The following CYLC1 variants were observed in gnomAD, a reference collection of about 807,000 sequenced individuals.
CYLC1 encodes cylicin-1.
In CYLC1, 2 loss-of-function variants were observed where a neutral mutation model predicts 31.6. The observed-to-expected ratio is 0.06, with a 90% CI of 0.03 to 0.20. The LOEUF is 0.20. Among genes scored for constraint, CYLC1 ranks in the 10% least tolerant of loss-of-function variants. The pLI, the probability that CYLC1 is intolerant of heterozygous loss-of-function variation, is 1.00. For missense variants in CYLC1, 595 were observed against 424.1 expected, an observed-to-expected ratio of 1.40 and a Z score of -3.54; for synonymous variants, 185 against 153.0, an observed-to-expected ratio of 1.21 and a Z score of -1.54.
At chrX:83,863,841 A>C (rs1433312367) in intron 1 of CYLC1, among the ~76,000 whole-genome samples, 1 of 111,684 alleles carries the variant, frequency 9.0e-6, no homozygotes, top group Admixed American at 9.5e-5. Flanking sequence ...AACTACCAGA[A>C]ACTGATTGGC....
chrX:83,870,382 T>C (rs990424599), intron 2 of CYLC1, among the ~76,000 whole-genome samples: 2 of 111,353 alleles, frequency 1.8e-5, no homozygotes, highest in African/African-American at 6.5e-5. Context: ...TCAGGATACA[T>C]ATAAAAGAAG....
At position 83,874,577 on chromosome X, in the gene CYLC1, T is replaced by A. The variant is rs2031732596; in HGVS notation, c.1869T>A (p.Arg623=). ...CTCTACCATCACCAAAGGTCAGACGTCTTTGTTGGTGCAAGATGCCTCCTC... is the reference window on the plus strand; with the variant it reads ...CTCTACCATCACCAAAGGTCAGACGACTTTGTTGGTGCAAGATGCCTCCTC... ...EPSLPSPKVR[R]LCWCKMPPPP... The change falls in exon 4 of 5, where the codon CGT becomes CGA. Residue 623 remains arginine (R), a synonymous_variant. Transcript: ENST00000329312. 3 of 1,205,704 alleles carry A rather than the reference T, an allele frequency of 2.5e-6. No homozygotes were observed. The highest frequency in any genetic ancestry group is 2.2e-5 in the Admixed American group (1 of 45,011).
intron 4 of CYLC1, among the ~76,000 whole-genome samples, chrX:83,881,378 T>C (rs1226005891): frequency 9.0e-6 from 1 of 110,667 alleles, no homozygotes; most frequent in African/African-American, 3.3e-5. Context: ...AAAATTGAAC[T>C]AGGTGAGCTG....
intron 1 of CYLC1, among the ~76,000 whole-genome samples, chrX:83,866,073 C>G (rs372870227): frequency 2.0e-4 from 22 of 111,098 alleles, no homozygotes; most frequent in East Asian, 8.5e-4. Flanking sequence ...CTCTAAAGTC[C>G]CAGTTGCTAT....
intron 1 of CYLC1, among the ~76,000 whole-genome samples, chrX:83,869,392 A>C (rs928981505): frequency 9.1e-6 from 1 of 109,702 alleles, no homozygotes; most frequent in Non-Finnish European, 1.9e-5. Context: ...GATAGACCCC[A>C]ATGTGTGTTG....
intron 4 of CYLC1, among the ~76,000 whole-genome samples, chrX:83,878,738 G>A (rs1454967250): frequency 9.6e-6 from 1 of 104,493 alleles, no homozygotes; most frequent in Non-Finnish European, 1.9e-5. Context: ...TCACAAAAAT[G>A]CACTTTATAT....
chrX:83,885,261 A>T (rs1044269989), intron 4 of CYLC1, among the ~76,000 whole-genome samples: 4 of 110,611 alleles, frequency 3.6e-5, no homozygotes, highest in African/African-American at 1.3e-4. Context: ...GATATAGAAA[A>T]AAAGAATGAA....
chrX:83,871,325 G>A, intron 2 of CYLC1, 127 bp from the exon 3 acceptor site: 1 of 395,130 alleles, frequency 2.5e-6, no homozygotes, highest in Non-Finnish European at 4.2e-6. Flanking sequence ...GAACTCTGAG[G>A]AAAAAATCTA....
chrX:83,883,308 A>G (rs1444604977), intron 4 of CYLC1, among the ~76,000 whole-genome samples: 1 of 111,971 alleles, frequency 8.9e-6, no homozygotes, highest in East Asian at 2.8e-4. Flanking sequence ...TTGTTGACTG[A>G]TTAACTTAAA....
Position 83,874,398 on chromosome X carries a change from A to G in CYLC1, c.1690A>G (p.Thr564Ala), listed in dbSNP as rs757311616. 3 of 1,210,193 alleles carry G rather than the reference A, an allele frequency of 2.5e-6. No individual in the cohort carries two copies. The highest frequency in any genetic ancestry group is 3.5e-5 in the South Asian group (2 of 56,921). The change falls in exon 4 of 5, where the codon ACA (threonine) becomes GCA (alanine). Residue 564 changes from threonine (T) to alanine (A), a missense_variant. By Grantham distance (58) the Thr-to-Ala change is moderately conservative. Coordinates refer to ENST00000329312, the MANE Select transcript of CYLC1 (RefSeq NM_021118.3). ...AKKKIDESDG[T>A]SANSKMEGLE... Reference sequence around the variant, plus strand: ...GAAGAAAATTGATGAATCAGATGGCACATCTGCAAATTCAAAGATGGAAGG... The same window carrying G: ...GAAGAAAATTGATGAATCAGATGGCGCATCTGCAAATTCAAAGATGGAAGG...
chrX:83,879,038 T>C (rs1407926338), intron 4 of CYLC1, among the ~76,000 whole-genome samples: 2 of 110,109 alleles, frequency 1.8e-5, no homozygotes, highest in Non-Finnish European at 3.8e-5. Flanking sequence ...ATTATGTTTA[T>C]AAATCTTAGC....
intron 4 of CYLC1, among the ~76,000 whole-genome samples, chrX:83,881,171 C>G (rs1166006497): frequency 9.0e-6 from 1 of 110,800 alleles, no homozygotes; most frequent in Admixed American, 9.7e-5. Context: ...TTGTATTAAA[C>G]TGGAAAGCAC....
chrX:83,879,082 A>T (rs2031873411), intron 4 of CYLC1, among the ~76,000 whole-genome samples: 1 of 110,562 alleles, frequency 9.0e-6, no homozygotes, highest in Non-Finnish European at 1.9e-5. Context: ...AATTCTTTAT[A>T]TTCCAGATGC....
At chrX:83,870,731 T>G (rs921168513) in intron 2 of CYLC1, among the ~76,000 whole-genome samples, 1 of 111,326 alleles carries the variant, frequency 9.0e-6, no homozygotes, top group East Asian at 2.8e-4. Context: ...AATCTAAATA[T>G]AGTAACCGTA....
At chrX:83,881,100 G>A (rs773557183) in intron 4 of CYLC1, among the ~76,000 whole-genome samples, 1 of 109,916 alleles carries the variant, frequency 9.1e-6, no homozygotes, top group South Asian at 3.9e-4. Flanking sequence ...ACTACAAGTT[G>A]ATTCACTGTT....
At chrX:83,869,242 G>A (rs935094787) in intron 1 of CYLC1, among the ~76,000 whole-genome samples, 4 of 110,757 alleles carry the variant, frequency 3.6e-5, no homozygotes, top group Admixed American at 9.7e-5. Context: ...AAGCTCAGGA[G>A]TACATGTGCA....
intron 1 of CYLC1, among the ~76,000 whole-genome samples, chrX:83,867,244 A>G (rs1216552476): frequency 1.8e-5 from 2 of 111,850 alleles, no homozygotes; most frequent in African/African-American, 6.5e-5. Flanking sequence ...CTGAGTTCTG[A>G]CCAACAAAGT....
Position 83,873,629 on chromosome X carries a change from G to C in CYLC1, c.921G>C (p.Lys307Asn). Residue 307 changes from lysine to asparagine, a missense_variant, in exon 4 of 5, where the codon AAG becomes AAC. By Grantham distance (94) the Lys-to-Asn change is moderately conservative. Transcript: ENST00000329312. ...AATCTGAAGACTCAAAGGATGCTAA[G>C]AAAGATTCAAAGAAAGTTAAGAAAA... ...DAESEDSKDAKKDSKKVKKNV... is the reference protein window; with the variant it reads ...DAESEDSKDANKDSKKVKKNV... 4 of 1,194,307 alleles carry C rather than the reference G, an allele frequency of 3.3e-6. No homozygotes were observed. Among genetic ancestry groups the C allele is most frequent in the Non-Finnish European group, 4.5e-6 (4 of 888,572 alleles).
chrX:83,866,434 C>A (rs1251044775), intron 1 of CYLC1, among the ~76,000 whole-genome samples: 4 of 110,960 alleles, frequency 3.6e-5, no homozygotes, highest in Non-Finnish European at 7.6e-5. Context: ...CATCATTTTT[C>A]TTAAAGTATA....
Sources: allele counts gnomAD v4.1 joint callset (sites outside exome capture counted in the v4.1 genomes callset), GRCh38; gene constraint gnomAD v4.1.1; transcripts MANE v1.5; gene names NCBI Gene and HGNC (gene_info 2026-07-23, HGNC 2026-07-21).